Variants in C8A observed in about 807,000 individuals in gnomAD.
C8A encodes the protein complement C8 alpha chain.
A neutral mutation model predicts 65.3 loss-of-function variants in C8A; 67 were observed. That is an observed-to-expected ratio of 1.03 (90% CI 0.84 to 1.26). The LOEUF (loss-of-function observed/expected upper bound fraction) is 1.26, where lower values mean the gene tolerates loss of function less well. C8A is among the 50% of genes most tolerant of loss of function. C8A has a pLI of 0.00. For synonymous variants in C8A, 290 were observed against 259.4 expected, an observed-to-expected ratio of 1.12 and a Z score of -1.13; for missense variants, 781 against 723.9, an observed-to-expected ratio of 1.08 and a Z score of -0.90.
chr1:56,855,498 A>G lies in C8A; in HGVS notation c.77+520A>G, dbSNP rs375076373. Among the ~76,000 whole-genome samples the G allele has an allele frequency of 1.4e-4, 21 of 152,300 alleles. No individual in the cohort carries two copies. The East Asian group carries it at 3.7e-3, about 27-fold the overall frequency. On this transcript the variant is annotated intron_variant, in intron 1 of 10. Transcript: ENST00000361249. ...ATCACTGTGGGGAAGGCAAAGGACT[A>G]TAGAGATGCTGGGTCATTTGATTCT...
chr1:56,884,211 A>G (rs1644271831), intron 6 of C8A, among the ~76,000 whole-genome samples: 1 of 152,124 alleles, frequency 6.6e-6, no homozygotes, highest in African/African-American at 2.4e-5. Flanking sequence ...TTGTCCAGAC[A>G]AAGGGAGACA....
rs545125272 is a variant in C8A at position 56,899,310 on chromosome 1, G to T, written c.1097-7357G>T. Among the ~76,000 whole-genome samples the T allele has an allele frequency of 7.2e-5, 11 of 152,268 alleles. No homozygotes were observed. In the South Asian group the frequency reaches 2.3e-3, roughly 32 times the overall value. On this transcript the variant is annotated intron_variant, in intron 7 of 10. Coordinates refer to ENST00000361249, the MANE Select transcript of C8A (RefSeq NM_000562.3). ...AACATTCTTCCCAGAGCCATCCTTA[G>T]CTCTCTTTCCCATAGGCGGTATAAT...
intron 10 of C8A, among the ~76,000 whole-genome samples, chr1:56,916,706 G>T (rs1268283435): frequency 6.6e-6 from 1 of 152,028 alleles, no homozygotes; most frequent in African/African-American, 2.4e-5. Context: ...ATTTCATTTA[G>T]GAAAAATGAA....
chr1:56,895,426 C>T (rs1644380759), intron 7 of C8A, among the ~76,000 whole-genome samples: 1 of 152,124 alleles, frequency 6.6e-6, no homozygotes, highest in African/African-American at 2.4e-5. Flanking sequence ...CCCAAGGTCA[C>T]ATAGCTATTA....
chr1:56,874,934 C>G lies in C8A; in HGVS notation c.172-15C>G. 2 of 1,613,224 alleles carry G rather than the reference C, an allele frequency of 1.2e-6. No homozygotes were observed. Among genetic ancestry groups the G allele is most frequent in the Non-Finnish European group, 1.7e-6 (2 of 1,179,588 alleles). ...TTGGTTGACAAGAATGTGTCTTGTT[C>G]AAAATCTGGTTTAGTACCGACACCG... On this transcript the variant is annotated splice_polypyrimidine_tract_variant and intron_variant, in intron 2 of 10. Transcript: ENST00000361249.
At position 56,868,773 on chromosome 1, in the gene C8A, C is replaced by T. The variant is rs142317471; in HGVS notation, c.171+1071C>T. 4.8e-3 allele frequency among the ~76,000 whole-genome samples: 724 copies of T among 152,274 alleles called. 3 individuals carry two copies. The highest frequency in any genetic ancestry group is 0.017 in the African/African-American group (690 of 41,562). ...TGAACCTTGTCTATTAGCACATTAC[C>T]TCTGAGTTTAAGTGTTAAGATTCAG... On this transcript the variant is annotated intron_variant, in intron 2 of 10. Transcript: ENST00000361249.
intron 1 of C8A, among the ~76,000 whole-genome samples, chr1:56,860,121 C>T (rs1287326770): frequency 6.6e-6 from 1 of 151,972 alleles, no homozygotes; most frequent in Non-Finnish European, 1.5e-5. Flanking sequence ...AAATGGGGCC[C>T]TTTGTTAGAG....
At chr1:56,904,917 A>G (rs17114550) in intron 7 of C8A, among the ~76,000 whole-genome samples, 8 of 152,046 alleles carry the variant, frequency 5.3e-5, no homozygotes, top group African/African-American at 1.7e-4. Flanking sequence ...ATAATCACAC[A>G]ACAGGCATCC....
At chr1:56,895,546 A>T (rs551883113) in intron 7 of C8A, among the ~76,000 whole-genome samples, 1 of 152,286 alleles carries the variant, frequency 6.6e-6, no homozygotes, top group East Asian at 1.9e-4. Flanking sequence ...CCATTAGTAG[A>T]TTGTAAAAGA....
chr1:56,874,610 G>A (rs574238356), intron 2 of C8A, among the ~76,000 whole-genome samples: 1 of 152,276 alleles, frequency 6.6e-6, no homozygotes, highest in East Asian at 1.9e-4. Context: ...AGGGAAGCGA[G>A]CAACTTGAAG....
intron 5 of C8A, 36 bp downstream of exon 5, chr1:56,881,670 G>GT (rs758431467): frequency 1.3e-6 from 2 of 1,586,050 alleles, no homozygotes; most frequent in South Asian, 2.2e-5. Context: ...GGCCACTGTG[G>GT]TGTAGGTGGC....
At chr1:56,908,660 AT>A (rs1371483884) in intron 9 of C8A, among the ~76,000 whole-genome samples, 2 of 152,214 alleles carry the variant, frequency 1.3e-5, no homozygotes, top group Admixed American at 1.3e-4. Flanking sequence ...ATTTGCTACC[AT>A]CCTCCACAGT....
In C8A at chr1:56,917,626, C is replaced by G. The variant is rs1280532904; in HGVS notation, c.1665C>G (p.Ile555Met). ...WSSWSVCRAG[I>M]QERRRECDNP... Reference sequence around the variant, plus strand: ...CCTGGTCTGTATGCAGAGCAGGCATCCAGGAAAGGAGAAGAGAGTGTGACA... The same window carrying G: ...CCTGGTCTGTATGCAGAGCAGGCATGCAGGAAAGGAGAAGAGAGTGTGACA... The change falls in exon 11 of 11, where the codon ATC becomes ATG. Residue 555 changes from isoleucine to methionine, a missense_variant. Ile to Met is a conservative substitution (Grantham distance 10, BLOSUM62 1). Coordinates refer to ENST00000361249, the MANE Select transcript of C8A (RefSeq NM_000562.3). 6.2e-7 allele frequency: 1 copy of G among 1,614,024 alleles called. No individual in the cohort carries two copies. Among genetic ancestry groups the G allele is most frequent in the Non-Finnish European group, 8.5e-7 (1 of 1,180,040 alleles).
intron 1 of C8A, among the ~76,000 whole-genome samples, chr1:56,855,295 A>G (rs995281383): frequency 7.2e-5 from 11 of 152,212 alleles, no homozygotes; most frequent in Non-Finnish European, 1.5e-4. Context: ...TAATGTAGAT[A>G]AAATAAGATC....
chr1:56,879,795 G>A (rs536953374), intron 4 of C8A, among the ~76,000 whole-genome samples: 1 of 152,306 alleles, frequency 6.6e-6, no homozygotes, highest in South Asian at 2.1e-4. Flanking sequence ...AAGAGAAAAA[G>A]GAAGTTAACA....
At chr1:56,899,793 C>A (rs1310372494) in intron 7 of C8A, among the ~76,000 whole-genome samples, 2 of 152,190 alleles carry the variant, frequency 1.3e-5, no homozygotes, top group Non-Finnish European at 2.9e-5. Flanking sequence ...CAGGCACTGT[C>A]CAGAGCACAT....
Position 56,881,508 on chromosome 1 carries a change from G to T in C8A, c.528G>T (p.Gln176His), listed in dbSNP as rs373330966. 6.2e-7 allele frequency: 1 copy of T among 1,613,852 alleles called. No homozygotes were observed. Among genetic ancestry groups the T allele is most frequent in the Non-Finnish European group, 8.5e-7 (1 of 1,179,796 alleles). Residue 176 changes from glutamine to histidine, a missense_variant, in exon 5 of 11, where the codon CAG becomes CAT. Transcript: ENST00000361249. ...ACGATGCCAGTTATTATGGGGGCCA[G>T]TGTGAGACGGTATACAATGGGGAAT... ...SVYDASYYGG[Q>H]CETVYNGEWR... is the part of the protein sequence containing the mutation.
intron 7 of C8A, among the ~76,000 whole-genome samples, chr1:56,904,089 G>T (rs1644446138): frequency 6.6e-6 from 1 of 152,124 alleles, no homozygotes; most frequent in Non-Finnish European, 1.5e-5. Context: ...TCTTTATAAT[G>T]GCTCCAGACC....
chr1:56,917,878 A>G lies in C8A; in HGVS notation c.*162A>G, dbSNP rs1570359056. 16 of 751,236 alleles carry G rather than the reference A, an allele frequency of 2.1e-5. No individual in the cohort carries two copies. The East Asian group carries it at 4.1e-4, about 19-fold the overall frequency. 46.5% of individuals were successfully genotyped at this position (751,236 alleles called of 1,614,324 possible). A position where few individuals can be genotyped will look rare whatever the true frequency, so the allele number is the denominator to read the frequency against. On this transcript the variant is annotated 3_prime_UTR_variant, in exon 11 of 11. Coordinates refer to ENST00000361249, the MANE Select transcript of C8A (RefSeq NM_000562.3). ...AGACTAGGTTTTGCTGTCTACAGCC[A>G]ACTATTCTATTAGTTACAAAACTCA...
Sources: gnomAD v4.1 joint callset for allele counts (sites outside exome capture counted in the v4.1 genomes callset) on GRCh38, gnomAD v4.1.1 for gene constraint, MANE v1.5 for transcripts, NCBI Gene and HGNC (gene_info 2026-07-23, HGNC 2026-07-21) for gene names.